Variants in NAV2 observed in about 807,000 individuals in gnomAD.
NAV2 encodes the protein helicase, APC down-regulated 1.
NAV2 carries 54 observed loss-of-function variants against 223.2 expected under a neutral mutation model. The ratio of observed to expected loss-of-function variants is 0.24; its 90% CI spans 0.19 to 0.30. The LOEUF (loss-of-function observed/expected upper bound fraction) is 0.30. Ranked by LOEUF, NAV2 falls within the 10% of genes least tolerant of loss-of-function variation. The probability of loss-of-function intolerance (pLI) is 1.00; values close to 1 mark genes in which losing one functional copy is unlikely to be tolerated. For missense variants in NAV2, 2,806 were observed against 3,147.5 expected (o/e 0.89, Z 2.60); for synonymous variants, 1,279 against 1,239.3 (o/e 1.03, Z -0.67).
intron 4 of NAV2, among the ~76,000 whole-genome samples, chr11:19,869,800 T>G (rs1330388646): frequency 6.6e-6 from 1 of 152,160 alleles, no homozygotes; most frequent in Non-Finnish European, 1.5e-5. Context: ...AAAGGAGGCC[T>G]GTTAGCATGG....
At chr11:19,372,080 A>G (rs1848490538) in intron 1 of NAV2, among the ~76,000 whole-genome samples, 1 of 152,066 alleles carries the variant, frequency 6.6e-6, no homozygotes. Flanking sequence ...CACCTGGCCT[A>G]TTTTTCTGTA....
intron 1 of NAV2, among the ~76,000 whole-genome samples, chr11:19,524,805 T>C (rs2043793464): frequency 6.6e-6 from 1 of 152,266 alleles, no homozygotes. Context: ...TGGTGTCTCT[T>C]TCCTGCTAAT....
chr11:19,904,428 C>T (rs1427858149), intron 6 of NAV2, among the ~76,000 whole-genome samples: 2 of 151,996 alleles, frequency 1.3e-5, no homozygotes, highest in Non-Finnish European at 2.9e-5. Context: ...AAGAGGGGTA[C>T]TATGAATGAA....
rs551952771 is a variant in NAV2 at position 19,632,581 on chromosome 11, T to G, written c.76-199903T>G. Among the ~76,000 whole-genome samples the G allele has an allele frequency of 9.8e-5, 15 of 152,326 alleles. No individual in the cohort carries two copies. The South Asian group carries it at 2.9e-3, about 29-fold the overall frequency. ...CCTGCTGTTGCCTGTTTTGTGGTTTTCATTGTGGTCAGTTCAAAGAGGCTG... is the reference window on the plus strand; with the variant it reads ...CCTGCTGTTGCCTGTTTTGTGGTTTGCATTGTGGTCAGTTCAAAGAGGCTG... On this transcript the variant is annotated intron_variant, in intron 1 of 37. Coordinates refer to the NAV2 transcript ENST00000360655.
intron 1 of NAV2, among the ~76,000 whole-genome samples, chr11:19,639,484 A>G (rs995787346): frequency 2.6e-5 from 4 of 152,202 alleles, no homozygotes; most frequent in Admixed American, 6.5e-5. Flanking sequence ...ATATTTTGAG[A>G]TATTTTAGCA....
intron 19 of NAV2, among the ~76,000 whole-genome samples, chr11:20,056,333 T>C (rs1463897057): frequency 6.6e-6 from 1 of 152,228 alleles, no homozygotes; most frequent in African/African-American, 2.4e-5. Flanking sequence ...GGAGAGTTCA[T>C]TTCCCTGTGC....
intron 3 of NAV2, among the ~76,000 whole-genome samples, chr11:19,862,047 T>A (rs1250633969): frequency 6.6e-6 from 1 of 152,110 alleles, no homozygotes; most frequent in Non-Finnish European, 1.5e-5. Flanking sequence ...AGTTGGAAAA[T>A]AATAGGAAAA....
chr11:19,479,617 T>C (rs1416606667), intron 1 of NAV2, among the ~76,000 whole-genome samples: 1 of 152,204 alleles, frequency 6.6e-6, no homozygotes, highest in African/African-American at 2.4e-5. Flanking sequence ...CCTGCCTCTA[T>C]GTTAGTTGGC....
At chr11:19,486,603 C>T (rs1476296200) in intron 1 of NAV2, among the ~76,000 whole-genome samples, 3 of 152,160 alleles carry the variant, frequency 2.0e-5, no homozygotes, top group Non-Finnish European at 2.9e-5. Flanking sequence ...TAAAGAAGTA[C>T]GTGTTTGCTT....
chr11:19,855,442 G>A (rs555566329), intron 3 of NAV2, among the ~76,000 whole-genome samples: 12 of 152,262 alleles, frequency 7.9e-5, no homozygotes, highest in African/African-American at 2.4e-4. Flanking sequence ...AATAGCTCCA[G>A]TAATGATGAA....
intron 1 of NAV2, among the ~76,000 whole-genome samples, chr11:19,782,507 G>A (rs2152685352): frequency 6.6e-6 from 1 of 152,146 alleles, no homozygotes. Context: ...TTTTGTTTTT[G>A]TGTGAAGCCA....
At chr11:19,412,777 C>T (rs924076030) in intron 1 of NAV2, among the ~76,000 whole-genome samples, 7 of 152,196 alleles carry the variant, frequency 4.6e-5, no homozygotes, top group African/African-American at 1.7e-4. Context: ...GATACCCTGG[C>T]AAAGAGGGTC....
At chr11:19,351,371 C>A (rs1853302636) in intron 1 of NAV2, among the ~76,000 whole-genome samples, 1 of 152,222 alleles carries the variant, frequency 6.6e-6, no homozygotes, top group Admixed American at 6.5e-5. Context: ...ACACTCTTAG[C>A]ACCTTCTGGA....
intron 35 of NAV2, among the ~76,000 whole-genome samples, chr11:20,106,195 A>ATGTGTG (rs1592179575): frequency 4.5e-5 from 1 of 22,160 alleles, no homozygotes; most frequent in Non-Finnish European, 1.6e-4. Context: ...ATATATATAT[A>ATGTGTG]TATATATATA....
In NAV2 at chr11:19,460,028, T is replaced by A. The variant is rs115113314; in HGVS notation, c.75+109001T>A. Among the ~76,000 whole-genome samples the A allele has an allele frequency of 8.4e-3, 1,276 of 152,340 alleles. 21 individuals are homozygous for A. The highest frequency in any genetic ancestry group is 0.029 in the African/African-American group (1,212 of 41,566). On this transcript the variant is annotated intron_variant, in intron 1 of 37. Coordinates refer to the NAV2 transcript ENST00000360655. Reference sequence around the variant, plus strand: ...TCCTTGTTCTGCTACTTTTTGTGTATCTCTGGGCAAGATACTTAACCTTTC... The same window carrying A: ...TCCTTGTTCTGCTACTTTTTGTGTAACTCTGGGCAAGATACTTAACCTTTC...
intron 22 of NAV2, among the ~76,000 whole-genome samples, chr11:20,073,002 T>G (rs976940166): frequency 2.6e-5 from 4 of 152,186 alleles, no homozygotes; most frequent in Admixed American, 2.6e-4. Flanking sequence ...GAGGGCATCC[T>G]TGTCTTGTGC....
At position 19,948,864 on chromosome 11, in the gene NAV2, C is replaced by T; in HGVS notation, c.2429C>T (p.Ala810Val). The T allele has an allele frequency of 6.2e-7, 1 of 1,614,060 alleles. No individual in the cohort carries two copies. Among genetic ancestry groups the T allele is most frequent in the East Asian group, 2.2e-5 (1 of 44,844 alleles). Residue 810 changes from alanine to valine, a missense_variant, in exon 10 of 38, where the codon GCC (alanine) becomes GTC (valine). By Grantham distance (64) the Ala-to-Val change is moderately conservative. Transcript: ENST00000349880. ...MGNGYPPRAN[A>V]SRFINTESGR... The stretch of plus-strand genomic sequence containing the variant: ...AATGGGTATCCCCCTCGAGCCAACG[C>T]CAGCAGGTTCATCAACACTGAGTCA...
intron 10 of NAV2, among the ~76,000 whole-genome samples, chr11:19,955,690 G>T (rs192915448): frequency 1.0e-3 from 156 of 152,294 alleles, no homozygotes; most frequent in African/African-American, 3.5e-3. Context: ...AATGTGTGAG[G>T]TATTTCTCAC....
At chr11:19,657,285 C>A (rs2048153600) in intron 1 of NAV2, among the ~76,000 whole-genome samples, 1 of 151,944 alleles carries the variant, frequency 6.6e-6, no homozygotes, top group Non-Finnish European at 1.5e-5. Context: ...TTCTGGGCAT[C>A]CAGTTTGTGC....
Sources: allele counts gnomAD v4.1 joint callset (sites outside exome capture counted in the v4.1 genomes callset), GRCh38; gene constraint gnomAD v4.1.1; transcripts MANE v1.5; gene names NCBI Gene and HGNC (gene_info 2026-07-23, HGNC 2026-07-21).